The following LTF variants were observed in gnomAD, a reference collection of about 807,000 sequenced individuals.
The protein encoded by LTF is lactotransferrin.
In LTF, 91 loss-of-function variants were observed where a neutral mutation model predicts 87.2. The ratio of observed to expected loss-of-function variants is 1.04; its 90% CI spans 0.88 to 1.24. LTF has a LOEUF of 1.24. LTF is among the 50% of genes most tolerant of loss of function. The probability of loss-of-function intolerance (pLI) is 0.00; values close to 1 mark genes in which losing one functional copy is unlikely to be tolerated. For synonymous variants in LTF, 378 were observed against 356.1 expected, an observed-to-expected ratio of 1.06 and a Z score of -0.69; for missense variants, 901 against 904.3, an observed-to-expected ratio of 1.00 and a Z score of 0.05.
Position 46,443,564 on chromosome 3 carries a change from C to T in LTF, c.1532G>A (p.Ser511Asn). Residue 511 changes from serine (S) to asparagine (N), a missense_variant, in exon 13 of 17, where the codon AGC becomes AAC. Coordinates refer to ENST00000231751, the MANE Select transcript of LTF (RefSeq NM_002343.6). Reference protein sequence around the residue: ...SCKFDEYFSQSCAPGSDPRSN... With the variant: ...SCKFDEYFSQNCAPGSDPRSN... ...TCTCGGGTCAGACCCAGGGGCACAG[C>T]TTTGACTGAAATATTCATCTGGAGA... The T allele has an allele frequency of 6.2e-7, 1 of 1,613,796 alleles. No individual in the cohort carries two copies. The highest frequency in any genetic ancestry group is 2.2e-5 in the East Asian group (1 of 44,868).
upstream of LTF, among the ~76,000 whole-genome samples, chr3:46,467,531 C>T (rs1214867444): frequency 6.6e-6 from 1 of 152,074 alleles, no homozygotes; most frequent in Non-Finnish European, 1.5e-5. Context: ...AACAACCAAA[C>T]AAGTAAAGGC....
intron 12 of LTF, among the ~76,000 whole-genome samples, chr3:46,443,905 G>A (rs1031977208): frequency 1.3e-5 from 2 of 152,170 alleles, no homozygotes; most frequent in African/African-American, 4.8e-5. Flanking sequence ...CAGAGCCTGT[G>A]AGTTGCCTAG....
rs1575312555 is a variant in LTF, at chr3:46,448,896, G to A, written c.1179C>T (p.Ala393=). The change falls in exon 9 of 17, where the codon GCC becomes GCT. Residue 393 remains alanine, a synonymous_variant. Transcript: ENST00000231751. Reference sequence around the variant, plus strand: ...GGGCGATGCAGTCCTCTGTGGTGGAGGCCGAGGAGCAGGTCACGCTGCCTT... The same window carrying A: ...GGGCGATGCAGTCCTCTGTGGTGGAAGCCGAGGAGCAGGTCACGCTGCCTT... ...LSEGSVTCSS[A]STTEDCIALV... 9.9e-6 allele frequency: 16 copies of A among 1,613,664 alleles called. No individual in the cohort carries two copies. The highest frequency in any genetic ancestry group is 1.4e-5 in the Non-Finnish European group (16 of 1,179,878).
chr3:46,437,665 A>G (rs954721250), intron 16 of LTF, among the ~76,000 whole-genome samples: 2 of 151,950 alleles, frequency 1.3e-5, no homozygotes, highest in Admixed American at 6.5e-5. Context: ...TGCACCTTTC[A>G]TTTTACTGAA....
At chr3:46,452,699 C>T (rs1175385910) in intron 6 of LTF, among the ~76,000 whole-genome samples, 2 of 152,180 alleles carry the variant, frequency 1.3e-5, no homozygotes, top group African/African-American at 2.4e-5. Flanking sequence ...AATAAAATAG[C>T]TCAGAAACTG....
rs1268755237 is a variant in LTF, at chr3:46,450,573, C to G, written c.804G>C (p.Arg268=). The G allele has an allele frequency of 2.3e-5, 37 of 1,614,130 alleles. No individual in the cohort carries two copies. Among genetic ancestry groups the G allele is most frequent in the Non-Finnish European group, 3.1e-5 (37 of 1,180,036 alleles). The stretch of plus-strand genomic sequence containing the variant: ...GTGCCACAACGGCATGAGAAGGGAC[C>G]CGGGCCAGATGGCAGTCTTTGAACT... ...VDKFKDCHLA[R]VPSHAVVARS... The change falls in exon 7 of 17, where the codon CGG becomes CGC. Residue 268 remains arginine (R), a synonymous_variant. Transcript: ENST00000231751.
chr3:46,459,525 G>A (rs1703022588), intron 2 of LTF, 131 bp downstream of exon 2: 2 of 847,716 alleles, frequency 2.4e-6, no homozygotes, highest in African/African-American at 1.8e-5. Flanking sequence ...CCCTGTGAGA[G>A]AGGACGGCTC....
At chr3:46,451,283 T>C (rs1167203906) in intron 6 of LTF, among the ~76,000 whole-genome samples, 1 of 152,178 alleles carries the variant, frequency 6.6e-6, no homozygotes, top group Non-Finnish European at 1.5e-5. Flanking sequence ...AGAAAAAGTA[T>C]AGGAGGGAAG....
At chr3:46,437,852 G>A in intron 16 of LTF, 88 bp downstream of exon 16, 3 of 952,112 alleles carry the variant, frequency 3.2e-6, no homozygotes, top group South Asian at 1.4e-5. Context: ...TTTTACACCT[G>A]TGTTCGTTCC....
intron 3 of LTF, 78 bp from the exon 4 acceptor site, chr3:46,456,056 G>T: frequency 7.7e-7 from 1 of 1,301,278 alleles, no homozygotes; most frequent in Non-Finnish European, 1.0e-6. Context: ...AAAAGTCTCC[G>T]GTGGGAAGGG....
intron 1 of LTF, among the ~76,000 whole-genome samples, chr3:46,474,504 T>C (rs1261832468): frequency 2.6e-5 from 4 of 152,226 alleles, no homozygotes; most frequent in Non-Finnish European, 4.4e-5. Context: ...TCCACAATTA[T>C]AGTTGAAGAC....
chr3:46,448,910 T>C lies in LTF; in HGVS notation c.1165A>G (p.Thr389Ala), dbSNP rs191879699. The change falls in exon 9 of 17, where the codon ACC becomes GCC. Residue 389 changes from threonine to alanine, a missense_variant. Transcript: ENST00000231751. ...QWSGLSEGSV[T>A]CSSASTTEDC... The stretch of plus-strand genomic sequence containing the variant: ...TCTGTGGTGGAGGCCGAGGAGCAGG[T>C]CACGCTGCCTTCGCTCAAGCCACTC... 53 of 1,613,734 alleles carry C rather than the reference T, an allele frequency of 3.3e-5. No homozygotes were observed. The East Asian group carries it at 1.2e-3, about 35-fold the overall frequency.
intron 1 of LTF, among the ~76,000 whole-genome samples, chr3:46,475,321 G>A (rs1253010561): frequency 6.6e-6 from 1 of 152,028 alleles, no homozygotes; most frequent in African/African-American, 2.4e-5. Flanking sequence ...TTTCACTGTC[G>A]AGTTCTACTA....
At chr3:46,468,149 A>G, upstream of LTF, 1 of 455,702 alleles carries the variant, frequency 2.2e-6, no homozygotes, top group Non-Finnish European at 4.4e-6. Flanking sequence ...AGAAAGGGAC[A>G]AAGGATCCTG....
intron 1 of LTF, among the ~76,000 whole-genome samples, chr3:46,476,675 G>A (rs774093779): frequency 4.6e-5 from 7 of 152,194 alleles, no homozygotes; most frequent in African/African-American, 9.6e-5. Context: ...AAGATTACCC[G>A]CCCACAAAAA....
At chr3:46,450,739 G>T in intron 6 of LTF, 66 bp from the exon 7 acceptor site, 1 of 1,356,936 alleles carries the variant, frequency 7.4e-7, no homozygotes, top group African/African-American at 1.4e-5. Context: ...TCGAGCTATA[G>T]TTCCCCTTCT....
At chr3:46,452,180 T>C (rs1432449703) in intron 6 of LTF, among the ~76,000 whole-genome samples, 1 of 152,210 alleles carries the variant, frequency 6.6e-6, no homozygotes, top group African/African-American at 2.4e-5. Context: ...TAACAAGTTA[T>C]AAGAGCAACC....
chr3:46,447,422 A>G (rs376642171), intron 9 of LTF, 24 bp from the exon 10 acceptor site: 1 of 1,540,996 alleles, frequency 6.5e-7, no homozygotes, highest in Non-Finnish European at 9.0e-7. Context: ...GCAGATCTCC[A>G]GCACCACAGT....
chr3:46,441,806 C>A, intron 13 of LTF: 1 of 244,232 alleles, frequency 4.1e-6, no homozygotes, highest in Non-Finnish European at 7.9e-6. Context: ...GATGTGCAGG[C>A]GGCCTACACA....
Sources: gnomAD v4.1 joint callset for allele counts (sites outside exome capture counted in the v4.1 genomes callset) on GRCh38, gnomAD v4.1.1 for gene constraint, MANE v1.5 for transcripts, NCBI Gene and HGNC (gene_info 2026-07-23, HGNC 2026-07-21) for gene names.